The following SELENOF variants were observed in gnomAD, a reference collection of about 807,000 sequenced individuals.
SELENOF encodes 15 kDa selenoprotein.
A neutral mutation model predicts 20.5 loss-of-function variants in SELENOF; 16 were observed. That is an observed-to-expected ratio of 0.78 (90% CI 0.53 to 1.19). SELENOF has a LOEUF of 1.19. Ranked by LOEUF, SELENOF falls within the 50% of genes most tolerant of loss-of-function variation. The probability of loss-of-function intolerance (pLI) is 0.00; values close to 1 mark genes in which losing one functional copy is unlikely to be tolerated. For synonymous variants in SELENOF, 78 were observed against 74.5 expected, an observed-to-expected ratio of 1.05 and a Z score of -0.24; for missense variants, 215 against 194.2, an observed-to-expected ratio of 1.11 and a Z score of -0.64.
At chr1:86,876,036 T>A (rs1234419807) in intron 3 of SELENOF, among the ~76,000 whole-genome samples, 1 of 151,108 alleles carries the variant, frequency 6.6e-6, no homozygotes. Context: ...AGAGACACAA[T>A]CAGATTTGTT....
intron 2 of SELENOF, among the ~76,000 whole-genome samples, chr1:86,885,185 T>C (rs1659182736): frequency 6.6e-6 from 1 of 152,106 alleles, no homozygotes; most frequent in Non-Finnish European, 1.5e-5. Context: ...GCATCTCAAA[T>C]CTGAAAAAAA....
chr1:86,899,423 C>A (rs1401147545), intron 2 of SELENOF, among the ~76,000 whole-genome samples: 1 of 125,532 alleles, frequency 8.0e-6, no homozygotes, highest in Non-Finnish European at 1.7e-5. Context: ...GGCCGACCCC[C>A]CCCACCTCCC....
intron 4 of SELENOF, among the ~76,000 whole-genome samples, chr1:86,866,227 T>C: frequency 9.5e-6 from 1 of 105,706 alleles, no homozygotes; most frequent in East Asian, 2.3e-4. Flanking sequence ...AAAGTGTGTG[T>C]CTCTGTGTGT....
intron 2 of SELENOF, 100 bp downstream of exon 2, chr1:86,903,181 G>C: frequency 9.5e-7 from 1 of 1,055,950 alleles, no homozygotes; most frequent in South Asian, 1.7e-5. Flanking sequence ...AAATGTAAAA[G>C]CTTAGAGGCT....
At chr1:86,900,046 C>T (rs1178031007) in intron 2 of SELENOF, among the ~76,000 whole-genome samples, 5 of 151,102 alleles carry the variant, frequency 3.3e-5, no homozygotes, top group East Asian at 3.9e-4. Context: ...CGGGAAGAGG[C>T]GCTCCTCACT....
At chr1:86,864,070 A>T (rs1045718722) in intron 4 of SELENOF, among the ~76,000 whole-genome samples, 2 of 152,234 alleles carry the variant, frequency 1.3e-5, no homozygotes, top group Non-Finnish European at 2.9e-5. Context: ...GATACTCTCA[A>T]ATGAACTTAA....
intron 1 of SELENOF, among the ~76,000 whole-genome samples, chr1:86,909,830 C>T (rs1010508985): frequency 6.6e-6 from 1 of 152,086 alleles, no homozygotes; most frequent in Non-Finnish European, 1.5e-5. Flanking sequence ...ATGGTGAAAC[C>T]CCGTCTCCAC....
intron 3 of SELENOF, among the ~76,000 whole-genome samples, chr1:86,871,195 GTTC>G (rs1470185854): frequency 1.3e-5 from 2 of 152,156 alleles, no homozygotes; most frequent in African/African-American, 4.8e-5. Context: ...AGGAAACTGA[GTTC>G]TTTAATGTCA....
At chr1:86,880,139 C>CTTT (rs201093710) in intron 3 of SELENOF, among the ~76,000 whole-genome samples, 1 of 143,466 alleles carries the variant, frequency 7.0e-6, no homozygotes, top group Non-Finnish European at 1.5e-5. Context: ...ATCTGAATTT[C>CTTT]TTTTTTTTTT....
intron 3 of SELENOF, among the ~76,000 whole-genome samples, chr1:86,871,301 G>A (rs1194402057): frequency 6.6e-6 from 1 of 152,114 alleles, no homozygotes; most frequent in Non-Finnish European, 1.5e-5. Context: ...TTGACAATAA[G>A]TACTCTAAGT....
chr1:86,874,429 T>C (rs923797643), intron 3 of SELENOF, among the ~76,000 whole-genome samples: 1 of 152,182 alleles, frequency 6.6e-6, no homozygotes, highest in Non-Finnish European at 1.5e-5. Context: ...AATGTTTCAG[T>C]TTTTCCCTTA....
At chr1:86,881,248 A>T (rs1659061589) in intron 2 of SELENOF, among the ~76,000 whole-genome samples, 1 of 152,194 alleles carries the variant, frequency 6.6e-6, no homozygotes, top group Non-Finnish European at 1.5e-5. Context: ...AAAGAACTCA[A>T]ATGCAAATAT....
At chr1:86,884,471 CTT>C (rs748434819) in intron 2 of SELENOF, among the ~76,000 whole-genome samples, 15 of 147,986 alleles carry the variant, frequency 1.0e-4, no homozygotes, top group Non-Finnish European at 1.9e-4. Flanking sequence ...GAATAAATAA[CTT>C]AACTACAGAT....
chr1:86,880,055 C>T lies in SELENOF; in HGVS notation c.316+607G>A, dbSNP rs543994141. On this transcript the variant is annotated intron_variant, in intron 3 of 4. Coordinates refer to ENST00000331835, the MANE Select transcript of SELENOF (RefSeq NM_004261.5). ...ATTACACTTACATCTTGGAAAGGCTCCTGCAAAATTCCCACCCGGCAAAGG... is the reference window on the plus strand; with the variant it reads ...ATTACACTTACATCTTGGAAAGGCTTCTGCAAAATTCCCACCCGGCAAAGG... Among the ~76,000 whole-genome samples, 6 of 149,286 alleles carry T rather than the reference C, an allele frequency of 4.0e-5. No individual in the cohort carries two copies. In the South Asian group the frequency reaches 8.5e-4, roughly 21 times the overall value.
At chr1:86,886,433 CTT>C (rs10633486) in intron 2 of SELENOF, among the ~76,000 whole-genome samples, 2 of 146,194 alleles carry the variant, frequency 1.4e-5, no homozygotes, top group African/African-American at 5.0e-5. Flanking sequence ...TGTTACAGTA[CTT>C]TTTTTTTTTT....
At chr1:86,868,021 G>GA (rs1658657841) in intron 4 of SELENOF, 32 bp downstream of exon 4, 6 of 1,104,210 alleles carry the variant, frequency 5.4e-6, no homozygotes, top group South Asian at 2.1e-5. Context: ...ATTAAGGCTG[G>GA]AAAAAAGAGA....
chr1:86,886,628 A>G (rs2102097492), intron 2 of SELENOF, among the ~76,000 whole-genome samples: 1 of 152,266 alleles, frequency 6.6e-6, no homozygotes, highest in Middle Eastern at 3.4e-3. Context: ...GTTTATATTA[A>G]AAGAAGTTTT....
At chr1:86,879,686 G>A (rs1325503801) in intron 3 of SELENOF, among the ~76,000 whole-genome samples, 1 of 152,132 alleles carries the variant, frequency 6.6e-6, no homozygotes, top group Non-Finnish European at 1.5e-5. Context: ...AAGAGAGAAA[G>A]CGTTATTACC....
At chr1:86,904,382 C>T (rs1659778544) in intron 1 of SELENOF, among the ~76,000 whole-genome samples, 1 of 152,146 alleles carries the variant, frequency 6.6e-6, no homozygotes, top group African/African-American at 2.4e-5. Flanking sequence ...TTACATAAAT[C>T]GTTACATTAA....
Sources: allele counts gnomAD v4.1 joint callset (sites outside exome capture counted in the v4.1 genomes callset), GRCh38; gene constraint gnomAD v4.1.1; transcripts MANE v1.5; gene names NCBI Gene and HGNC (gene_info 2026-07-23, HGNC 2026-07-21).